Variants in CAMTA1 observed in about 807,000 individuals in gnomAD.
CAMTA1 encodes calmodulin binding transcription activator 1.
Under a neutral mutation model 170.9 loss-of-function variants are expected in CAMTA1, and 27 were observed. The observed-to-expected ratio is 0.16, with a 90% CI of 0.12 to 0.22. The LOEUF is 0.22. Among genes scored for constraint, CAMTA1 ranks in the 10% least tolerant of loss-of-function variants. The probability of loss-of-function intolerance (pLI) is 1.00; values close to 1 mark genes in which losing one functional copy is unlikely to be tolerated. For missense variants in CAMTA1, 1,619 were observed against 2,217.2 expected, an observed-to-expected ratio of 0.73 and a Z score of 5.42; for synonymous variants, 833 against 891.5, an observed-to-expected ratio of 0.93 and a Z score of 1.17.
intron 11 of CAMTA1, among the ~76,000 whole-genome samples, chr1:7,731,214 C>G (rs2096730709): frequency 6.6e-6 from 1 of 151,978 alleles, no homozygotes; most frequent in Admixed American, 6.6e-5. Context: ...AACAGTAATT[C>G]CTGTTGTTTC....
intron 3 of CAMTA1, among the ~76,000 whole-genome samples, chr1:6,852,863 G>A (rs1464512189): frequency 6.6e-6 from 1 of 152,206 alleles, no homozygotes; most frequent in Non-Finnish European, 1.5e-5. Context: ...GTGGGGAGCA[G>A]AGTGACAGGG....
intron 7 of CAMTA1, among the ~76,000 whole-genome samples, chr1:7,655,533 TAC>T (rs1003183401): frequency 1.7e-3 from 242 of 139,602 alleles, no homozygotes; most frequent in African/African-American, 5.8e-3. Context: ...CCCACACACA[TAC>T]ACACTGATAT....
chr1:7,593,033 C>T (rs998593074), intron 6 of CAMTA1, among the ~76,000 whole-genome samples: 8 of 152,148 alleles, frequency 5.3e-5, no homozygotes, highest in African/African-American at 1.9e-4. Context: ...TGCCTACATC[C>T]CAAAAGCCAT....
At chr1:7,253,626 C>T (rs1666943961) in intron 5 of CAMTA1, among the ~76,000 whole-genome samples, 1 of 152,180 alleles carries the variant, frequency 6.6e-6, no homozygotes. Context: ...ATGCAAAGTA[C>T]ATGGTATTAT....
intron 6 of CAMTA1, among the ~76,000 whole-genome samples, chr1:7,506,581 ACACT>A (rs572839839): frequency 6.6e-6 from 1 of 152,084 alleles, no homozygotes; most frequent in African/African-American, 2.4e-5. Context: ...ATTCACACGC[ACACT>A]CACACGCTCA....
chr1:7,680,977 C>T lies in CAMTA1; in HGVS notation c.2914+3244C>T, dbSNP rs1286543882. On this transcript the variant is annotated intron_variant, in intron 11 of 22. Coordinates refer to ENST00000303635, the MANE Select transcript of CAMTA1 (RefSeq NM_015215.4). This position sits in a 1 kb window ranked among gnomAD's most constrained non-coding sequence, Gnocchi z 4.4. ...CCCCGCCCTGCGGAGGGCGATCGTC[C>T]CCACGTTGGGGCCGGGGGGCAGGGA... 6.6e-6 allele frequency among the ~76,000 whole-genome samples: 1 copy of T among 151,938 alleles called. No individual in the cohort carries two copies. The highest frequency in any genetic ancestry group is 1.5e-5 in the Non-Finnish European group (1 of 67,952).
intron 6 of CAMTA1, among the ~76,000 whole-genome samples, chr1:7,529,820 T>C (rs2094470905): frequency 6.6e-6 from 1 of 152,150 alleles, no homozygotes; most frequent in Non-Finnish European, 1.5e-5. Flanking sequence ...GCCCATCACA[T>C]AGTAGGTGTT....
chr1:7,722,360 T>C (rs1472280887), intron 11 of CAMTA1, among the ~76,000 whole-genome samples: 5 of 152,240 alleles, frequency 3.3e-5, no homozygotes, highest in Non-Finnish European at 7.3e-5. Context: ...GTCCCATGAC[T>C]GTGCTGTGTG....
At chr1:7,236,843 G>C (rs556366251) in intron 4 of CAMTA1, among the ~76,000 whole-genome samples, 7 of 152,224 alleles carry the variant, frequency 4.6e-5, no homozygotes, top group Non-Finnish European at 7.3e-5. Flanking sequence ...CAGAAAGAAA[G>C]GTGCAGGTGC....
intron 3 of CAMTA1, among the ~76,000 whole-genome samples, chr1:6,960,291 G>A (rs377061695): frequency 6.6e-6 from 1 of 152,172 alleles, no homozygotes; most frequent in African/African-American, 2.4e-5. Flanking sequence ...GTGAGTGGAG[G>A]GGGCCAGATG....
intron 10 of CAMTA1, chr1:7,672,102 G>T (rs766306178): frequency 2.2e-6 from 1 of 455,866 alleles, no homozygotes; most frequent in Non-Finnish European, 4.4e-6. Flanking sequence ...AAACAGGAGG[G>T]GGGTAAGGAT....
chr1:7,618,255 G>A (rs2095573213), intron 6 of CAMTA1, among the ~76,000 whole-genome samples: 1 of 152,178 alleles, frequency 6.6e-6, no homozygotes. Context: ...TGTTAGCTGA[G>A]TGGTCAGTGG....
At chr1:7,100,993 G>A (rs977237681) in intron 4 of CAMTA1, among the ~76,000 whole-genome samples, 7 of 152,192 alleles carry the variant, frequency 4.6e-5, no homozygotes, top group Non-Finnish European at 7.4e-5. Context: ...GCCCGCCCAG[G>A]GTGACCCTTG....
At chr1:6,938,553 T>G (rs1685857157) in intron 3 of CAMTA1, among the ~76,000 whole-genome samples, 1 of 152,176 alleles carries the variant, frequency 6.6e-6, no homozygotes, top group Non-Finnish European at 1.5e-5. Context: ...CATGCTGTCC[T>G]CCCAGGTCTC....
chr1:6,869,741 A>T, intron 3 of CAMTA1, among the ~76,000 whole-genome samples: 1 of 152,200 alleles, frequency 6.6e-6, no homozygotes, highest in East Asian at 1.9e-4. Context: ...TGTCAGAACC[A>T]CTAAGTATTT....
chr1:7,652,069 T>G (rs948467393), intron 7 of CAMTA1, among the ~76,000 whole-genome samples: 2 of 127,872 alleles, frequency 1.6e-5, no homozygotes, highest in Non-Finnish European at 3.2e-5. Context: ...ATACCCCAAA[T>G]GAGGAGGCCC....
rs150897685 is a variant in CAMTA1 at position 7,574,474 on chromosome 1, G to A, written c.511-65926G>A. Among the ~76,000 whole-genome samples, 3 of 152,242 alleles carry A rather than the reference G, an allele frequency of 2.0e-5. No homozygotes were observed. In the East Asian group the frequency reaches 5.8e-4, roughly 29 times the overall value. On this transcript the variant is annotated intron_variant, in intron 6 of 22. Transcript: ENST00000303635. ...GGGATGCTCCCTGGCCAGCTGAGTG[G>A]AAAAATAAATTACCTGAGGGGCTGA...
At chr1:7,471,871 C>T (rs904917862) in intron 6 of CAMTA1, among the ~76,000 whole-genome samples, 4 of 152,246 alleles carry the variant, frequency 2.6e-5, no homozygotes, top group Non-Finnish European at 5.9e-5. Flanking sequence ...CTCCACCTTC[C>T]GTCCTTCTCT....
chr1:7,310,683 TCTCTCTCTC>T (rs1676500576), intron 5 of CAMTA1, among the ~76,000 whole-genome samples: 2 of 41,062 alleles, frequency 4.9e-5, no homozygotes, highest in African/African-American at 1.5e-4. Flanking sequence ...TTTCTTTCTC[TCTCTCTCTC>T]TCTCTCTCTC....
Sources: gnomAD v4.1 joint callset for allele counts (sites outside exome capture counted in the v4.1 genomes callset) on GRCh38, gnomAD v4.1.1 for gene constraint, Gnocchi (gnomAD v3.1) non-coding constraint, MANE v1.5 for transcripts, NCBI Gene and HGNC (gene_info 2026-07-23, HGNC 2026-07-21) for gene names.